Variants in INPP4B observed in about 807,000 individuals in gnomAD.
INPP4B encodes inositol polyphosphate-4-phosphatase type II B, also known as inositol polyphosphate 4-phosphatase type II.
In INPP4B, 55 loss-of-function variants were observed where a neutral mutation model predicts 122.5. The ratio of observed to expected loss-of-function variants is 0.45; its 90% CI spans 0.36 to 0.56. INPP4B has a LOEUF of 0.56. Ranked by LOEUF, INPP4B falls within the 20% of genes least tolerant of loss-of-function variation. The pLI is 0.00. For missense variants in INPP4B, 1,000 were observed against 1,097.7 expected (o/e 0.91, Z 1.26); for synonymous variants, 403 against 388.7 (o/e 1.04, Z -0.43).
intron 7 of INPP4B, among the ~76,000 whole-genome samples, chr4:142,394,581 A>AT (rs1003510435): frequency 2.6e-5 from 4 of 152,104 alleles, no homozygotes; most frequent in African/African-American, 7.2e-5. Context: ...GATGATGAGC[A>AT]TTTTTTTAAT....
intron 14 of INPP4B, among the ~76,000 whole-genome samples, chr4:142,205,745 C>T (rs1842349381): frequency 6.6e-6 from 1 of 152,098 alleles, no homozygotes; most frequent in South Asian, 2.1e-4. Context: ...ATAATATAAA[C>T]ATTTTACTGC....
chr4:142,688,502 C>G (rs1759701165), intron 2 of INPP4B, among the ~76,000 whole-genome samples: 1 of 152,108 alleles, frequency 6.6e-6, no homozygotes, highest in Non-Finnish European at 1.5e-5. Flanking sequence ...CCTACATGCC[C>G]TGAAGCCTTC....
At chr4:142,749,905 G>A (rs749140743) in intron 1 of INPP4B, among the ~76,000 whole-genome samples, 20 of 151,848 alleles carry the variant, frequency 1.3e-4, no homozygotes, top group Non-Finnish European at 2.8e-4. Flanking sequence ...CCAAATCAGA[G>A]CCACACAATA....
intron 2 of INPP4B, among the ~76,000 whole-genome samples, chr4:142,539,441 C>A (rs1296429037): frequency 6.6e-6 from 1 of 152,050 alleles, no homozygotes; most frequent in Non-Finnish European, 1.5e-5. Context: ...ACTGCATTGA[C>A]TTATTGAACT....
intron 14 of INPP4B, among the ~76,000 whole-genome samples, chr4:142,207,553 G>A (rs1359829660): frequency 6.6e-6 from 1 of 152,130 alleles, no homozygotes; most frequent in Non-Finnish European, 1.5e-5. Context: ...TTACCCTAAA[G>A]AATTTGATAA....
chr4:142,396,489 T>A (rs1799419263), intron 7 of INPP4B, among the ~76,000 whole-genome samples: 1 of 152,112 alleles, frequency 6.6e-6, no homozygotes, highest in Admixed American at 6.6e-5. Context: ...AAACTGGAAC[T>A]CAAATTACTA....
At chr4:142,834,795 C>G (rs1046419674) in intron 1 of INPP4B, among the ~76,000 whole-genome samples, 7 of 152,110 alleles carry the variant, frequency 4.6e-5, no homozygotes, top group Admixed American at 4.6e-4. Context: ...GAGATTCTGA[C>G]AAGAAAATTT....
chr4:142,694,321 C>T (rs1168781094), intron 2 of INPP4B, among the ~76,000 whole-genome samples: 7 of 148,614 alleles, frequency 4.7e-5, no homozygotes, highest in East Asian at 2.0e-4. Flanking sequence ...TGCAGTGAGC[C>T]GAGATTGTAC....
intron 2 of INPP4B, among the ~76,000 whole-genome samples, chr4:142,564,305 G>A (rs1445976705): frequency 6.6e-6 from 1 of 151,966 alleles, no homozygotes; most frequent in East Asian, 1.9e-4. Flanking sequence ...ATTGATGAGT[G>A]GATCAAGTGA....
intron 1 of INPP4B, among the ~76,000 whole-genome samples, chr4:142,784,222 GC>G (rs1775369314): frequency 6.6e-6 from 1 of 151,922 alleles, no homozygotes; most frequent in Non-Finnish European, 1.5e-5. Flanking sequence ...AATTAGCCGG[GC>G]GTGGTGGCAT....
chr4:142,213,534 G>A (rs555124035), intron 12 of INPP4B, among the ~76,000 whole-genome samples: 4 of 152,124 alleles, frequency 2.6e-5, no homozygotes, highest in Admixed American at 1.3e-4. Context: ...CACTGGACAC[G>A]TGACAATGTC....
chr4:142,077,722 C>A (rs1771581990), intron 25 of INPP4B, among the ~76,000 whole-genome samples: 1 of 151,568 alleles, frequency 6.6e-6, no homozygotes, highest in African/African-American at 2.4e-5. Flanking sequence ...TATTAAGCCA[C>A]CTTTGTGGTA....
At chr4:142,695,326 A>G (rs1398201362) in intron 2 of INPP4B, among the ~76,000 whole-genome samples, 1 of 152,214 alleles carries the variant, frequency 6.6e-6, no homozygotes, top group Non-Finnish European at 1.5e-5. Flanking sequence ...TAAAGCAAAG[A>G]TTCTGTTAGC....
intron 1 of INPP4B, among the ~76,000 whole-genome samples, chr4:142,759,463 T>G (rs1044789904): frequency 1.3e-5 from 2 of 152,158 alleles, no homozygotes; most frequent in African/African-American, 4.8e-5. Context: ...TTCAAATCTT[T>G]GATGATATCA....
intron 7 of INPP4B, among the ~76,000 whole-genome samples, chr4:142,360,156 G>T (rs2148523635): frequency 6.6e-6 from 1 of 151,978 alleles, no homozygotes. Flanking sequence ...TCAGAATTCT[G>T]TTAACATTTC....
At chr4:142,059,539 A>G (rs939559969) in intron 25 of INPP4B, among the ~76,000 whole-genome samples, 4 of 152,178 alleles carry the variant, frequency 2.6e-5, no homozygotes, top group African/African-American at 9.7e-5. Flanking sequence ...AATGCAAAGC[A>G]CTGTGCTTGG....
chr4:142,515,733 T>C (rs1028599398), intron 2 of INPP4B, among the ~76,000 whole-genome samples: 4 of 152,180 alleles, frequency 2.6e-5, no homozygotes, highest in African/African-American at 9.7e-5. Context: ...TTCAAAGGGT[T>C]CCATGGCTAA....
At chr4:142,372,077 T>G (rs1790148586) in intron 7 of INPP4B, among the ~76,000 whole-genome samples, 1 of 152,122 alleles carries the variant, frequency 6.6e-6, no homozygotes, top group African/African-American at 2.4e-5. Context: ...GTGGTGTATA[T>G]ACACAATAAA....
chr4:142,061,453 C>T (rs76861865), intron 25 of INPP4B, among the ~76,000 whole-genome samples: 3,888 of 152,094 alleles, frequency 0.026, 186 homozygotes, highest in African/African-American at 0.089. Flanking sequence ...AATGTGTAAA[C>T]AAACATTTTA....
Sources: gnomAD v4.1 joint callset for allele counts (sites outside exome capture counted in the v4.1 genomes callset) on GRCh38, gnomAD v4.1.1 for gene constraint, MANE v1.5 for transcripts, NCBI Gene and HGNC (gene_info 2026-07-23, HGNC 2026-07-21) for gene names.